TNKS: variants seen among roughly 807,000 people sequenced by gnomAD.
The protein encoded by TNKS is poly [ADP-ribose] polymerase tankyrase-1.
In TNKS, 72 loss-of-function variants were observed where a neutral mutation model predicts 135.8. The observed-to-expected ratio is 0.53, with a 90% CI of 0.44 to 0.64. TNKS has a LOEUF of 0.64. TNKS is among the 30% of genes least tolerant of loss of function. The probability of loss-of-function intolerance (pLI) is 0.00; values close to 1 mark genes in which losing one functional copy is unlikely to be tolerated. For missense variants in TNKS, 1,769 were observed against 1,674.0 expected, an observed-to-expected ratio of 1.06 and a Z score of -0.99; for synonymous variants, 849 against 649.3, an observed-to-expected ratio of 1.31 and a Z score of -4.68.
At chr8:9,602,324 C>T (rs904606821) in intron 2 of TNKS, among the ~76,000 whole-genome samples, 3 of 152,124 alleles carry the variant, frequency 2.0e-5, no homozygotes, top group African/African-American at 7.2e-5. Flanking sequence ...CGCAGGATGA[C>T]ACTGAAAGGA....
chr8:9,626,672 G>C (rs189292229), intron 3 of TNKS, among the ~76,000 whole-genome samples: 2 of 152,264 alleles, frequency 1.3e-5, no homozygotes, highest in East Asian at 3.9e-4. Flanking sequence ...AATTGTGGGG[G>C]TTGGGGAAGG....
chr8:9,600,131 A>G (rs4407883), intron 2 of TNKS, among the ~76,000 whole-genome samples: 43,077 of 151,978 alleles, frequency 0.28, 6,404 homozygotes, highest in East Asian at 0.37. Context: ...AAGCTGAGAG[A>G]GGTAAAGGAA....
At chr8:9,699,901 T>C (rs1803715701) in intron 5 of TNKS, among the ~76,000 whole-genome samples, 1 of 152,246 alleles carries the variant, frequency 6.6e-6, no homozygotes, top group South Asian at 2.1e-4. Flanking sequence ...CCCAGTCTCA[T>C]ACACTACACT....
chr8:9,776,656 C>G lies in TNKS; in HGVS notation c.3904C>G (p.Pro1302Ala). ...YVIYRGEQAY[P>A]EYLITYQIMK... ...TTCTTCTTGTCCTTCCCAGGCATACCCAGAGTATCTTATCACTTACCAGAT... is the reference window on the plus strand; with the variant it reads ...TTCTTCTTGTCCTTCCCAGGCATACGCAGAGTATCTTATCACTTACCAGAT... Residue 1302 changes from proline (P) to alanine (A), a missense_variant, in exon 27 of 27, where the codon CCA becomes GCA. By Grantham distance (27) the Pro-to-Ala change is conservative. Coordinates refer to ENST00000310430, the MANE Select transcript of TNKS (RefSeq NM_003747.3). The G allele has an allele frequency of 1.2e-6, 2 of 1,613,870 alleles. No individual in the cohort carries two copies. The highest frequency in any genetic ancestry group is 1.7e-6 in the Non-Finnish European group (2 of 1,179,848).
chr8:9,757,219 C>A (rs1224999244), intron 20 of TNKS, among the ~76,000 whole-genome samples: 1 of 152,166 alleles, frequency 6.6e-6, no homozygotes, highest in Admixed American at 6.5e-5. Flanking sequence ...CCGTGATCTG[C>A]CCGCCTTGGC....
chr8:9,770,088 T>C lies in TNKS; in HGVS notation c.3741-18T>C. The C allele has an allele frequency of 6.3e-7, 1 of 1,582,890 alleles. No homozygotes were observed. On this transcript the variant is annotated intron_variant, in intron 25 of 26. Transcript: ENST00000310430. ...TTTAAAGCTTCCTTCAAAGCATTGTTTTTTTCTTTTTCCTTAGACAAATGC... is the reference window on the plus strand; with the variant it reads ...TTTAAAGCTTCCTTCAAAGCATTGTCTTTTTCTTTTTCCTTAGACAAATGC...
In TNKS at chr8:9,642,210, A is replaced by C. The variant is rs1262346519; in HGVS notation, c.994+26533A>C. ...GCAGACGCCATTATACAAATGGCTG[A>C]TTCTATCAATTAAACCACATTTACT... On this transcript the variant is annotated intron_variant, in intron 3 of 26. Transcript: ENST00000310430. Among the ~76,000 whole-genome samples, 2 of 146,482 alleles carry C rather than the reference A, an allele frequency of 1.4e-5. 1 individual carries two copies. The highest frequency in any genetic ancestry group is 3.0e-5 in the Non-Finnish European group (2 of 66,756).
intron 3 of TNKS, among the ~76,000 whole-genome samples, chr8:9,667,773 C>A (rs750843026): frequency 2.0e-5 from 3 of 150,142 alleles, no homozygotes; most frequent in Non-Finnish European, 4.4e-5. Context: ...AAATCTCTTA[C>A]TGTGTTAGAT....
At position 9,781,414 on chromosome 8, in the gene TNKS, C is replaced by T. The variant is rs1262345218; in HGVS notation, c.*4678C>T. 6.6e-6 allele frequency: 1 copy of T among 152,188 alleles called. No individual in the cohort carries two copies. Among genetic ancestry groups the T allele is most frequent in the Non-Finnish European group, 1.5e-5 (1 of 68,060 alleles). The allele number at this position is 152,188 out of a possible 1,614,324, so 9.4% of individuals were successfully genotyped here. ...GTGTCCCTCACACACCCGCGCACCC[C>T]TCCCAAAGTTCAGGATGAAAGGCTA... On this transcript the variant is annotated 3_prime_UTR_variant, in exon 27 of 27. Coordinates refer to ENST00000310430, the MANE Select transcript of TNKS (RefSeq NM_003747.3).
chr8:9,630,900 C>G (rs992625160), intron 3 of TNKS, among the ~76,000 whole-genome samples: 1 of 152,164 alleles, frequency 6.6e-6, no homozygotes, highest in African/African-American at 2.4e-5. Context: ...ATAATTTTAT[C>G]CAGAAATTCT....
rs185088662 is a variant in TNKS at position 9,586,158 on chromosome 8, C to T, written c.898+5775C>T. Among the ~76,000 whole-genome samples, 5 of 152,126 alleles carry T rather than the reference C, an allele frequency of 3.3e-5. No individual in the cohort carries two copies. The East Asian group carries it at 5.8e-4, about 18-fold the overall frequency. On this transcript the variant is annotated intron_variant, in intron 2 of 26. Transcript: ENST00000310430. ...TAGAAATAGTTTTCTTCTTGTATTA[C>T]ATTATATTGTTCCAGATACTTTTAT...
intron 1 of TNKS, among the ~76,000 whole-genome samples, chr8:9,572,840 G>C (rs1026515641): frequency 1.3e-5 from 2 of 152,182 alleles, no homozygotes; most frequent in Non-Finnish European, 2.9e-5. Context: ...TGTTAAACTA[G>C]TGAATGGCAA....
intron 12 of TNKS, among the ~76,000 whole-genome samples, chr8:9,725,940 T>C (rs1805138896): frequency 1.3e-5 from 2 of 152,240 alleles, no homozygotes; most frequent in Non-Finnish European, 2.9e-5. Context: ...CGCATTGCTA[T>C]CATACCTCCA....
At chr8:9,615,946 A>G (rs1799630061) in intron 3 of TNKS, among the ~76,000 whole-genome samples, 1 of 152,180 alleles carries the variant, frequency 6.6e-6, no homozygotes, top group Non-Finnish European at 1.5e-5. Context: ...TATGGTTTAT[A>G]TCATAATTTT....
chr8:9,650,585 A>C (rs970892964), intron 3 of TNKS, among the ~76,000 whole-genome samples: 1 of 151,962 alleles, frequency 6.6e-6, no homozygotes, highest in South Asian at 2.1e-4. Context: ...GCATTTTTTC[A>C]TATGTTTGTT....
intron 13 of TNKS, among the ~76,000 whole-genome samples, chr8:9,727,452 G>A (rs115137028): frequency 0.01 from 1,575 of 152,096 alleles, 13 homozygotes; most frequent in African/African-American, 0.017. Context: ...TGTTTTTTAC[G>A]AGACAAGGTC....
chr8:9,556,706 G>A lies in TNKS; in HGVS notation c.673+94G>A, dbSNP rs1044101690. On this transcript the variant is annotated intron_variant, in intron 1 of 26. Transcript: ENST00000310430. ...ACAGGTTATTGTGATGGGACAAAGT[G>A]GGGGCGTGGTTATGGTTCTTCATCA... 2.8e-6 allele frequency: 4 copies of A among 1,447,698 alleles called. No individual in the cohort carries two copies. The African/African-American group carries it at 4.2e-5, about 15-fold the overall frequency. The allele number at this position is 1,447,698 out of a possible 1,614,324, so 89.7% of individuals were successfully genotyped here.
At chr8:9,751,441 T>G (rs1040286692) in intron 18 of TNKS, among the ~76,000 whole-genome samples, 168 bp from the exon 19 acceptor site, 1 of 152,210 alleles carries the variant, frequency 6.6e-6, no homozygotes, top group Non-Finnish European at 1.5e-5. Flanking sequence ...ACTGAAACTA[T>G]TGAAACTCTT....
At chr8:9,640,257 T>C (rs1800675048) in intron 3 of TNKS, among the ~76,000 whole-genome samples, 1 of 152,186 alleles carries the variant, frequency 6.6e-6, no homozygotes, top group African/African-American at 2.4e-5. Flanking sequence ...GGAGCCAGCA[T>C]CTGGCCAGGG....
Sources: allele counts gnomAD v4.1 joint callset (sites outside exome capture counted in the v4.1 genomes callset), GRCh38; gene constraint gnomAD v4.1.1; transcripts MANE v1.5; gene names NCBI Gene and HGNC (gene_info 2026-07-23, HGNC 2026-07-21).